Variants in GPATCH2L observed in about 807,000 individuals in gnomAD.
GPATCH2L encodes the protein G-patch domain containing 2 like, also known as G patch domain-containing protein 2-like.
A neutral mutation model predicts 57.4 loss-of-function variants in GPATCH2L; 31 were observed. The ratio of observed to expected loss-of-function variants is 0.54; its 90% CI spans 0.41 to 0.73. The LOEUF is 0.73. Among genes scored for constraint, GPATCH2L ranks in the 30% least tolerant of loss-of-function variants. The pLI is 0.00. For missense variants in GPATCH2L, 481 were observed against 599.9 expected (o/e 0.80, Z 2.07); for synonymous variants, 199 against 210.7 (o/e 0.94, Z 0.48).
At chr14:76,162,998 G>A (rs188711642) in intron 2 of GPATCH2L, among the ~76,000 whole-genome samples, 5 of 152,314 alleles carry the variant, frequency 3.3e-5, no homozygotes, top group African/African-American at 1.2e-4. Flanking sequence ...TAATCTGTTT[G>A]CATCTTCAGG....
At chr14:76,223,207 T>A (rs2040523111) in intron 1 of GPATCH2L, among the ~76,000 whole-genome samples, 1 of 152,224 alleles carries the variant, frequency 6.6e-6, no homozygotes, top group Admixed American at 6.5e-5. Flanking sequence ...TATAGGCCAC[T>A]ATATCTAATG....
intron 8 of GPATCH2L, 49 bp from the exon 9 acceptor site, chr14:76,195,829 A>C: frequency 7.4e-7 from 1 of 1,360,494 alleles, no homozygotes; most frequent in Non-Finnish European, 1.1e-6. Context: ...AATGTCTTAC[A>C]ATAAGAATTA....
rs772687964 is a variant in GPATCH2L, at chr14:76,201,842, A to T, written c.1440A>T (p.Gly480=). 9 of 1,613,840 alleles carry T rather than the reference A, an allele frequency of 5.6e-6. No individual in the cohort carries two copies. In the South Asian group the frequency reaches 9.9e-5, roughly 18 times the overall value. Residue 480 remains glycine (G), a synonymous_variant, in exon 10 of 10, where the codon GGA becomes GGT. Transcript: ENST00000261530. ...FFKMPQEKSP[G]YS ...AAATGCCACAAGAAAAGAGCCCTGG[A>T]TACAGCTAGAGAGCAGGACTTCACC...
chr14:76,185,952 A>G (rs541099411), intron 8 of GPATCH2L, among the ~76,000 whole-genome samples: 3 of 152,276 alleles, frequency 2.0e-5, no homozygotes, highest in African/African-American at 7.2e-5. Flanking sequence ...ACCCAGGCAA[A>G]TGACTTAATC....
At chr14:76,172,280 C>G (rs1053620561) in intron 4 of GPATCH2L, among the ~76,000 whole-genome samples, 15 of 152,260 alleles carry the variant, frequency 9.9e-5, no homozygotes, top group African/African-American at 3.4e-4. Flanking sequence ...CCGTTTGTGC[C>G]AGATTTAGTG....
rs1028112766 is a variant in GPATCH2L at position 76,203,479 on chromosome 14, G to C, written c.*1628G>C. 2 of 152,584 alleles carry C rather than the reference G, an allele frequency of 1.3e-5. No homozygotes were observed. Among genetic ancestry groups the C allele is most frequent in the Non-Finnish European group, 2.9e-5 (2 of 68,224 alleles). 9.5% of individuals were successfully genotyped at this position (152,584 alleles called of 1,614,324 possible). A position where few individuals can be genotyped will look rare whatever the true frequency, so the allele number is the denominator to read the frequency against. The stretch of plus-strand genomic sequence containing the variant: ...TTCCACCCCTGGTTCTCATGCAGTA[G>C]TGTGGGAGAGTGCTGAAGCCGGCCC... On this transcript the variant is annotated 3_prime_UTR_variant, in exon 10 of 10. Transcript: ENST00000261530.
downstream of GPATCH2L, among the ~76,000 whole-genome samples, chr14:76,219,005 CAAAAA>C (rs572896740): frequency 2.7e-5 from 2 of 73,778 alleles, no homozygotes; most frequent in African/African-American, 4.5e-5. Context: ...TCTAAAAGTA[CAAAAA>C]AAAAAAAAAA....
exon 2 of GPATCH2L, chr14:76,229,930 G>C (rs968714764): frequency 2.0e-5 from 3 of 152,500 alleles, no homozygotes; most frequent in Admixed American, 1.3e-4. Context: ...CGTCAGTTTC[G>C]TGAGTTCTCC....
At chr14:76,196,209 G>A in intron 9 of GPATCH2L, 1 of 639,792 alleles carries the variant, frequency 1.6e-6, no homozygotes, top group Non-Finnish European at 2.8e-6. Flanking sequence ...TCCACTATCA[G>A]CAATCTCCAG....
Position 76,155,077 on chromosome 14 carries a change from G to A in GPATCH2L, c.662+52G>A, listed in dbSNP as rs553281355. On this transcript the variant is annotated intron_variant, in intron 2 of 9. Transcript: ENST00000261530. Reference sequence around the variant, plus strand: ...ATTTTCCTGGTTAATTTTTCCCAAAGTGCACATCCATGGTCTTAGTGGGTT... The same window carrying A: ...ATTTTCCTGGTTAATTTTTCCCAAAATGCACATCCATGGTCTTAGTGGGTT... 15 of 1,473,538 alleles carry A rather than the reference G, an allele frequency of 1.0e-5. No homozygotes were observed. The East Asian group carries it at 3.0e-4, about 29-fold the overall frequency. The allele number at this position is 1,473,538 out of a possible 1,614,324, so 91.3% of individuals were successfully genotyped here. A position where few individuals can be genotyped will look rare whatever the true frequency, so the allele number is the denominator to read the frequency against.
At chr14:76,226,960 T>C (rs1341525714) in intron 1 of GPATCH2L, among the ~76,000 whole-genome samples, 2 of 152,192 alleles carry the variant, frequency 1.3e-5, no homozygotes, top group East Asian at 3.9e-4. Context: ...CCCAAAAAAG[T>C]GTGTGAGCAT....
In GPATCH2L at chr14:76,201,804, G is replaced by A; in HGVS notation, c.1402G>A (p.Ala468Thr). The change falls in exon 10 of 10, where the codon GCT becomes ACT. Residue 468 changes from alanine to threonine, a missense_variant. Transcript: ENST00000261530. The part of the protein sequence containing the change: ...AAEKATDATT[A>T]TFFKMPQEKS... ...AGAGAAAGCCACAGACGCAACTACT[G>A]CTACATTTTTTAAAATGCCACAAGA... 1.2e-6 allele frequency: 2 copies of A among 1,614,096 alleles called. No individual in the cohort carries two copies. Among genetic ancestry groups the A allele is most frequent in the Non-Finnish European group, 1.7e-6 (2 of 1,179,976 alleles).
At chr14:76,152,208 T>G (rs1252168143) in intron 1 of GPATCH2L, among the ~76,000 whole-genome samples, 1 of 152,156 alleles carries the variant, frequency 6.6e-6, no homozygotes, top group Non-Finnish European at 1.5e-5. Context: ...CCTCTTCCCC[T>G]TTCTTCTTTC....
Position 76,154,776 on chromosome 14 carries a change from A to C in GPATCH2L, c.413A>C (p.Glu138Ala), listed in dbSNP as rs774447115. 1 of 1,614,092 alleles carries C rather than the reference A, an allele frequency of 6.2e-7. No homozygotes were observed. Among genetic ancestry groups the C allele is most frequent in the African/African-American group, 1.3e-5 (1 of 74,946 alleles). ...RRRKVKRVTS[E>A]VAASLQQKLK... The stretch of plus-strand genomic sequence containing the variant: ...CGGAAGGTGAAGCGAGTGACATCAG[A>C]GGTGGCTGCTAGCCTTCAGCAGAAG... Residue 138 changes from glutamate (E) to alanine (A), a missense_variant, in exon 2 of 10, where the codon GAG becomes GCG. Physicochemically the swap from Glu to Ala is moderately radical, Grantham distance 107 (BLOSUM62 -1). Transcript: ENST00000261530. This position sits in a 1 kb window ranked among gnomAD's most constrained non-coding sequence, Gnocchi z 4.4.
At chr14:76,230,334 C>T (rs1434458048) in intron 2 of GPATCH2L, 1 of 151,924 alleles carries the variant, frequency 6.6e-6, no homozygotes, top group Non-Finnish European at 1.5e-5. Context: ...TCTAGGTGCT[C>T]AGAAGTTATT....
intron 8 of GPATCH2L, among the ~76,000 whole-genome samples, chr14:76,182,220 G>A (rs2039587011): frequency 6.6e-6 from 1 of 152,002 alleles, no homozygotes; most frequent in Non-Finnish European, 1.5e-5. Flanking sequence ...AGCCAGGTGT[G>A]CTGGCGGGTG....
intron 2 of GPATCH2L, among the ~76,000 whole-genome samples, chr14:76,163,034 G>A (rs1214916695): frequency 6.6e-6 from 1 of 152,164 alleles, no homozygotes; most frequent in Non-Finnish European, 1.5e-5. Flanking sequence ...GAAATTCAAA[G>A]GTATCTTCTG....
At position 76,211,605 on chromosome 14, in the gene GPATCH2L, T is replaced by G. The variant is rs928524103; in HGVS notation, c.*9754T>G. 3.9e-5 allele frequency: 6 copies of G among 152,232 alleles called. No individual in the cohort carries two copies. Among genetic ancestry groups the G allele is most frequent in the African/African-American group, 1.2e-4 (5 of 41,460 alleles). The allele number at this position is 152,232 out of a possible 1,614,324, so 9.4% of individuals were successfully genotyped here. A position where few individuals can be genotyped will look rare whatever the true frequency, so the allele number is the denominator to read the frequency against. ...ATGGTCTTAGTTCCTTGTACTGTTC[T>G]TCAGTGTCAAAGTTGTTCAACTACC... On this transcript the variant is annotated 3_prime_UTR_variant, in exon 10 of 10. Transcript: ENST00000261530.
At chr14:76,158,484 G>A (rs1425026429) in intron 2 of GPATCH2L, among the ~76,000 whole-genome samples, 1 of 152,200 alleles carries the variant, frequency 6.6e-6, no homozygotes, top group Non-Finnish European at 1.5e-5. Context: ...TGCTCCAGGT[G>A]TTTGTGACAG....
Sources: allele counts gnomAD v4.1 joint callset (sites outside exome capture counted in the v4.1 genomes callset), GRCh38; gene constraint gnomAD v4.1.1; non-coding constraint Gnocchi (gnomAD v3.1); transcripts MANE v1.5; gene names NCBI Gene and HGNC (gene_info 2026-07-23, HGNC 2026-07-21).